The following NLRP5 variants were observed in gnomAD, a reference collection of about 807,000 sequenced individuals.
The protein encoded by NLRP5 is NLR family pyrin domain containing 5.
A neutral mutation model predicts 113.1 loss-of-function variants in NLRP5; 93 were observed. The observed-to-expected ratio is 0.82, with a 90% confidence interval of 0.70 to 0.98. NLRP5 has a LOEUF of 0.98. NLRP5 is among the 50% of genes least tolerant of loss of function. The pLI is 0.00. For missense variants in NLRP5, 1,808 were observed against 1,514.3 expected (o/e 1.19, Z -3.22); for synonymous variants, 751 against 600.7 (o/e 1.25, Z -3.66).
intron 9 of NLRP5, among the ~76,000 whole-genome samples, chr19:56,036,055 A>ATTT (rs1261118713): frequency 7.7e-5 from 7 of 90,570 alleles, no homozygotes; most frequent in Admixed American, 1.2e-4. Flanking sequence ...ATGAATTGAG[A>ATTT]TTCTTTTTTT....
At chr19:56,019,714 T>A (rs545683543) in intron 5 of NLRP5, among the ~76,000 whole-genome samples, 1 of 152,306 alleles carries the variant, frequency 6.6e-6, no homozygotes, top group South Asian at 2.1e-4. Context: ...AAATGCTGTC[T>A]TCAAACTTAA....
intron 9 of NLRP5, among the ~76,000 whole-genome samples, chr19:56,037,465 C>T (rs539613178): frequency 3.9e-5 from 6 of 152,076 alleles, no homozygotes; most frequent in African/African-American, 9.6e-5. Flanking sequence ...GAGGCCAAGG[C>T]GGGTGGAGCA....
intron 3 of NLRP5, among the ~76,000 whole-genome samples, chr19:56,013,763 T>A (rs1289924994): frequency 6.6e-6 from 1 of 151,924 alleles, no homozygotes; most frequent in Non-Finnish European, 1.5e-5. Flanking sequence ...GCCAAATGGT[T>A]TTTCTTGAGT....
chr19:56,031,712 T>C (rs1011089008), intron 7 of NLRP5, among the ~76,000 whole-genome samples: 6 of 151,720 alleles, frequency 4.0e-5, no homozygotes, highest in South Asian at 4.1e-4. Context: ...CCTAACATAA[T>C]ATCCTCCAGG....
At chr19:56,025,643 C>T (rs1982814634) in intron 6 of NLRP5, among the ~76,000 whole-genome samples, 1 of 152,046 alleles carries the variant, frequency 6.6e-6, no homozygotes, top group Non-Finnish European at 1.5e-5. Flanking sequence ...ATCTCCTGAC[C>T]TTGTGATCCA....
At chr19:55,998,476 AC>A (rs1030233107), upstream of NLRP5, among the ~76,000 whole-genome samples, 55 of 151,588 alleles carry the variant, frequency 3.6e-4, no homozygotes, top group African/African-American at 1.3e-3. Context: ...ACCTAGTGAA[AC>A]CCTGTCTCTA....
intron 2 of NLRP5, among the ~76,000 whole-genome samples, chr19:56,005,030 G>A (rs1241687423): frequency 6.7e-6 from 1 of 149,908 alleles, no homozygotes; most frequent in Non-Finnish European, 1.5e-5. Context: ...GGAGGCAGAG[G>A]TTGCAGTGAG....
At chr19:56,058,438 A>T in intron 14 of NLRP5, 28 bp downstream of exon 14, 2 of 1,582,170 alleles carry the variant, frequency 1.3e-6, no homozygotes, top group South Asian at 2.3e-5. Flanking sequence ...GTCTTCTGAG[A>T]TACAGACCTG....
At chr19:56,008,945 T>C (rs1186901879) in intron 3 of NLRP5, 92 bp downstream of exon 3, 2 of 1,086,160 alleles carry the variant, frequency 1.8e-6, no homozygotes, top group Non-Finnish European at 2.8e-6. Context: ...TGACTTCTGA[T>C]AGTCTAGTGT....
rs534456291 is a variant in NLRP5, at chr19:56,028,351, C to T, written c.2118C>T (p.Ser706=). 2.0e-5 allele frequency: 33 copies of T among 1,613,900 alleles called. No individual in the cohort carries two copies. The highest frequency in any genetic ancestry group is 6.7e-5 in the African/African-American group (5 of 74,932). Residue 706 remains serine, a synonymous_variant, in exon 7 of 15, where the codon AGC becomes AGT. Coordinates refer to ENST00000390649, the MANE Select transcript of NLRP5 (RefSeq NM_153447.4). ...AGTTTGTTCGCTTGGCATTAAACAGCTTCCAAGAAGTGTGGCTTCCGATTA... is the reference window on the plus strand; with the variant it reads ...AGTTTGTTCGCTTGGCATTAAACAGTTTCCAAGAAGTGTGGCTTCCGATTA...
chr19:55,998,720 A>ATG (rs1568478341), upstream of NLRP5, among the ~76,000 whole-genome samples: 3 of 141,304 alleles, frequency 2.1e-5, no homozygotes, highest in African/African-American at 5.4e-5. Context: ...GTGTGTATAT[A>ATG]TATATATATG....
the NLRP5 span, among the ~76,000 whole-genome samples, chr19:55,989,377 C>A: frequency 6.6e-6 from 1 of 151,994 alleles, no homozygotes; most frequent in Non-Finnish European, 1.5e-5. Context: ...CTCAGCCTCC[C>A]GAGTAGCTGG....
intron 1 of NLRP5, among the ~76,000 whole-genome samples, chr19:56,000,809 C>T (rs1208166384): frequency 6.6e-6 from 1 of 150,756 alleles, no homozygotes; most frequent in Non-Finnish European, 1.5e-5. Flanking sequence ...AGATAGAGAC[C>T]ATCCTGGCCA....
chr19:56,027,783 G>T lies in NLRP5; in HGVS notation c.1550G>T (p.Arg517Leu). ...CAGCTCACCCCTCGAGGCGTGGTCCGGCGCTGTCTCAATCTGGAGGAAAGA... is the reference window on the plus strand; with the variant it reads ...CAGCTCACCCCTCGAGGCGTGGTCCTGCGCTGTCTCAATCTGGAGGAAAGA... The change falls in exon 7 of 15, where the codon CGG becomes CTG. Residue 517 changes from arginine to leucine, a missense_variant. Transcript: ENST00000390649. 1.2e-6 allele frequency: 2 copies of T among 1,613,984 alleles called. No individual in the cohort carries two copies. The highest frequency in any genetic ancestry group is 1.7e-6 in the Non-Finnish European group (2 of 1,179,882).
chr19:56,044,166 T>C lies in NLRP5; in HGVS notation c.2957+3074T>C, dbSNP rs530575333. Among the ~76,000 whole-genome samples, 551 of 151,334 alleles carry C rather than the reference T, an allele frequency of 3.6e-3. 1 individual carries two copies. The highest frequency in any genetic ancestry group is 0.012 in the African/African-American group (497 of 41,156). On this transcript the variant is annotated intron_variant, in intron 11 of 14. Coordinates refer to ENST00000390649, the MANE Select transcript of NLRP5 (RefSeq NM_153447.4). ...GCAACCTCCACCTCCCAGGTTCAAG[T>C]GATTCTCCTGCCTCAGCCTCCCCAG... is the stretch of plus-strand genomic sequence containing the variant.
chr19:56,027,257 G>C lies in NLRP5; in HGVS notation c.1024G>C (p.Asp342His), dbSNP rs1982897563. The C allele has an allele frequency of 6.2e-7, 1 of 1,612,530 alleles. No individual in the cohort carries two copies. Among genetic ancestry groups the C allele is most frequent in the Non-Finnish European group, 8.5e-7 (1 of 1,179,826 alleles). The change falls in exon 7 of 15, where the codon GAC becomes CAC. Residue 342 changes from aspartate to histidine, a missense_variant. Physicochemically the swap from Asp to His is moderately conservative, Grantham distance 81. Transcript: ENST00000390649. ...AGAGTTCATCTCCAGGGAGTGGCCA[G>C]ACTCCCAGGCTCCGGTGACGGAGAT...
At chr19:56,029,326 G>T (rs1983003046) in intron 7 of NLRP5, among the ~76,000 whole-genome samples, 1 of 152,146 alleles carries the variant, frequency 6.6e-6, no homozygotes, top group Admixed American at 6.6e-5. Context: ...GAGTACAGCA[G>T]CATGATCTTT....
chr19:56,014,252 C>A (rs961331322), intron 3 of NLRP5, among the ~76,000 whole-genome samples: 3 of 151,914 alleles, frequency 2.0e-5, no homozygotes, highest in African/African-American at 7.3e-5. Flanking sequence ...GAGGCCAAGG[C>A]GGTGGATCAC....
intron 11 of NLRP5, among the ~76,000 whole-genome samples, chr19:56,043,866 C>T (rs890078654): frequency 4.6e-5 from 7 of 151,574 alleles, no homozygotes; most frequent in East Asian, 2.0e-4. Context: ...CGTGAGCCAC[C>T]ACGCCTGGCC....
Sources: gnomAD v4.1 joint callset for allele counts (sites outside exome capture counted in the v4.1 genomes callset) on GRCh38, gnomAD v4.1.1 for gene constraint, MANE v1.5 for transcripts, NCBI Gene and HGNC (gene_info 2026-07-23, HGNC 2026-07-21) for gene names.